The following ODAD1 variants were observed in gnomAD, a reference collection of about 807,000 sequenced individuals.
The protein encoded by ODAD1 is outer dynein arm docking complex subunit 1.
Under a neutral mutation model 67.2 loss-of-function variants are expected in ODAD1, and 49 were observed. That is an observed-to-expected ratio of 0.73 (90% CI 0.58 to 0.92). The LOEUF (loss-of-function observed/expected upper bound fraction) is 0.92. Among genes scored for constraint, ODAD1 ranks in the 40% least tolerant of loss-of-function variants. The pLI, the probability that ODAD1 is intolerant of heterozygous loss-of-function variation, is 0.00. For synonymous variants in ODAD1, 345 were observed against 393.7 expected (o/e 0.88, Z 1.46); for missense variants, 897 against 953.7 (o/e 0.94, Z 0.78).
Position 48,297,476 on chromosome 19 carries a change from G to A in ODAD1, c.1624C>T (p.Leu542=), listed in dbSNP as rs781244572. 3.1e-6 allele frequency: 5 copies of A among 1,602,384 alleles called. No individual in the cohort carries two copies. The highest frequency in any genetic ancestry group is 2.7e-5 in the African/African-American group (2 of 74,648). Residue 542 remains leucine (L), a synonymous_variant, in exon 16 of 16, where the codon CTG becomes TTG. Coordinates refer to ENST00000674294, the MANE Select transcript of ODAD1 (RefSeq NM_001364171.2). The stretch of plus-strand genomic sequence containing the variant: ...TCCAGCTTCGCGGCGGCGGCGGCCA[G>A]GTCCTTCTGGCGCTGCGCCTCCGCC... ...EQAEAQRQKD[L]AAAAAKLDGT...
intron 8 of ODAD1, 110 bp downstream of exon 8, chr19:48,306,146 A>G: frequency 3.4e-6 from 5 of 1,461,440 alleles, no homozygotes; most frequent in Non-Finnish European, 4.6e-6. Context: ...GGGAGAAAAA[A>G]TAGGTTCTGA....
chr19:48,302,655 A>G, intron 12 of ODAD1, 39 bp downstream of exon 12: 1 of 1,565,100 alleles, frequency 6.4e-7, no homozygotes, highest in African/African-American at 1.3e-5. Flanking sequence ...TTCCAAGTGG[A>G]GAAGCCAGGC....
intron 7 of ODAD1, among the ~76,000 whole-genome samples, chr19:48,309,044 G>T (rs564393285): frequency 6.6e-6 from 1 of 152,174 alleles, no homozygotes; most frequent in Non-Finnish European, 1.5e-5. Flanking sequence ...GAAGTTCTCT[G>T]CAGCCTGTAC....
chr19:48,296,683 A>G lies in ODAD1; in HGVS notation c.*293T>C, dbSNP rs1460693225. 48 of 1,019,556 alleles carry G rather than the reference A, an allele frequency of 4.7e-5. No homozygotes were observed. The highest frequency in any genetic ancestry group is 5.7e-5 in the Non-Finnish European group (45 of 794,470). 63.2% of individuals were successfully genotyped at this position (1,019,556 alleles called of 1,614,324 possible). Reference sequence around the variant, plus strand: ...TCCACAGGGGGCCAGGGCTCAGCAGACAGGGAAGGGGCAGATATGGAGACA... The same window carrying G: ...TCCACAGGGGGCCAGGGCTCAGCAGGCAGGGAAGGGGCAGATATGGAGACA... On this transcript the variant is annotated 3_prime_UTR_variant, in exon 16 of 16. Coordinates refer to ENST00000674294, the MANE Select transcript of ODAD1 (RefSeq NM_001364171.2).
Position 48,311,629 on chromosome 19 carries a change from G to A in ODAD1, c.521C>T (p.Ala174Val), listed in dbSNP as rs868114984. 17 of 1,550,422 alleles carry A rather than the reference G, an allele frequency of 1.1e-5. No individual in the cohort carries two copies. The highest frequency in any genetic ancestry group is 5.9e-5 in the Admixed American group (3 of 50,964). ...CHFDNQLVRN[A>V]ALREELDLLR... is the part of the protein sequence containing the mutation. ...CAGATCCAGCTCCTCCCGCAGGGCCGCATTCCGTACCAGCTGGTTGTCAAA... is the reference window on the plus strand; with the variant it reads ...CAGATCCAGCTCCTCCCGCAGGGCCACATTCCGTACCAGCTGGTTGTCAAA... The change falls in exon 7 of 16, where the codon GCG becomes GTG. Residue 174 changes from alanine (A) to valine (V), a missense_variant. Transcript: ENST00000674294.
At chr19:48,297,916 C>G (rs1386297654) in intron 14 of ODAD1, 84 bp downstream of exon 14, 2 of 1,145,334 alleles carry the variant, frequency 1.7e-6, no homozygotes, top group South Asian at 1.4e-5. Flanking sequence ...CCCCAAAAGC[C>G]CCCCAAAACT....
At chr19:48,311,497 G>A in intron 7 of ODAD1, 56 bp downstream of exon 7, 1 of 983,464 alleles carries the variant, frequency 1.0e-6, no homozygotes, top group Non-Finnish European at 1.6e-6. Context: ...AAACAGCTGT[G>A]GGGAGGACCT....
chr19:48,304,152 A>G lies in ODAD1; in HGVS notation c.666-12T>C. 1 of 1,589,714 alleles carries G rather than the reference A, an allele frequency of 6.3e-7. No homozygotes were observed. Among genetic ancestry groups the G allele is most frequent in the East Asian group, 2.3e-5 (1 of 44,312 alleles). On this transcript the variant is annotated splice_polypyrimidine_tract_variant and intron_variant, in intron 8 of 15. Transcript: ENST00000674294. ...CCTTCGCCTCCTCCCTGCGGGGGTC[A>G]GCCGGGGTCAGGATGACTGGAGGCT...
rs760732263 is a variant in ODAD1 at position 48,318,522 on chromosome 19, G to A, written c.225C>T (p.Ser75=). The A allele has an allele frequency of 9.2e-5, 142 of 1,551,468 alleles. No homozygotes were observed. Among genetic ancestry groups the A allele is most frequent in the South Asian group, 2.4e-4 (20 of 84,066 alleles). ...EVRGDLQVQI[S]AAQNQVKRLR... ...GCCGCTTGACCTGGTTCTGGGCTGCGCTGATCTGCACCTGGAGATCGCCCC... is the reference window on the plus strand; with the variant it reads ...GCCGCTTGACCTGGTTCTGGGCTGCACTGATCTGCACCTGGAGATCGCCCC... Residue 75 remains serine (S), a synonymous_variant, in exon 5 of 16, where the codon AGC becomes AGT. Coordinates refer to ENST00000674294, the MANE Select transcript of ODAD1 (RefSeq NM_001364171.2).
At chr19:48,301,252 G>C (rs1277108023) in intron 12 of ODAD1, among the ~76,000 whole-genome samples, 1 of 152,130 alleles carries the variant, frequency 6.6e-6, no homozygotes, top group Non-Finnish European at 1.5e-5. Context: ...AAACTGTTCG[G>C]CATTTTCTAA....
rs771518813 is a variant in ODAD1 at position 48,304,065 on chromosome 19, C to T, written c.741G>A (p.Ala247=). The change falls in exon 9 of 16, where the codon GCG becomes GCA. Residue 247 remains alanine, a synonymous_variant. Transcript: ENST00000674294. ...EKEEAQSEME[A]QVLQRQILHL... The stretch of plus-strand genomic sequence containing the variant: ...GCAAGATCTGCCGCTGCAGGACCTG[C>T]GCCTCCATCTCGCTCTGGGCCTCCT... 39 of 1,614,190 alleles carry T rather than the reference C, an allele frequency of 2.4e-5. No homozygotes were observed. The highest frequency in any genetic ancestry group is 1.6e-4 in the Middle Eastern group (1 of 6,062).
chr19:48,320,476 G>T, intron 2 of ODAD1, 85 bp from the exon 3 acceptor site: 1 of 702,572 alleles, frequency 1.4e-6, no homozygotes, highest in Non-Finnish European at 2.0e-6. Context: ...GAGGGACTGG[G>T]AATTGAAAGG....
chr19:48,320,531 T>C, intron 2 of ODAD1, 140 bp from the exon 3 acceptor site: 2 of 307,874 alleles, frequency 6.5e-6, no homozygotes, highest in Non-Finnish European at 1.2e-5. Context: ...CAAGAGGGGT[T>C]GGAGGGGGAC....
In ODAD1 at chr19:48,304,155, C is replaced by G; in HGVS notation, c.666-15G>C. The G allele has an allele frequency of 1.9e-6, 3 of 1,573,322 alleles. No homozygotes were observed. The highest frequency in any genetic ancestry group is 2.6e-6 in the Non-Finnish European group (3 of 1,158,448). ...TCGCCTCCTCCCTGCGGGGGTCAGC[C>G]GGGGTCAGGATGACTGGAGGCTGGA... On this transcript the variant is annotated splice_polypyrimidine_tract_variant and intron_variant, in intron 8 of 15. Coordinates refer to ENST00000674294, the MANE Select transcript of ODAD1 (RefSeq NM_001364171.2).
At position 48,302,847 on chromosome 19, in the gene ODAD1, C is replaced by A; in HGVS notation, c.1087G>T (p.Val363Leu). The change falls in exon 12 of 16, where the codon GTG becomes TTG. Residue 363 changes from valine to leucine, a missense_variant. Transcript: ENST00000674294. ...EEIKEMQEALVSARASKDDQH... is the reference protein window; with the variant it reads ...EEIKEMQEALLSARASKDDQH... ...TCATCCTTGCTGGCACGTGCGCTCA[C>A]CAAAGCCTCCTGCATCTGTGGGGAC... The A allele has an allele frequency of 3.7e-6, 6 of 1,613,960 alleles. No homozygotes were observed. The highest frequency in any genetic ancestry group is 3.3e-5 in the Admixed American group (2 of 60,022).
rs1209955849 is a variant in ODAD1, at chr19:48,297,201, C to A, written c.1899G>T (p.Gly633=). 6.2e-7 allele frequency: 1 copy of A among 1,614,116 alleles called. No individual in the cohort carries two copies. Among genetic ancestry groups the A allele is most frequent in the Admixed American group, 1.7e-5 (1 of 60,028 alleles). The change falls in exon 16 of 16, where the codon GGG becomes GGT. Residue 633 remains glycine (G), a synonymous_variant. Transcript: ENST00000674294. ...VTFGSTSASS[G]GHVTFRPVSA... The stretch of plus-strand genomic sequence containing the variant: ...TGACGGGTCTGAAGGTCACGTGGCC[C>A]CCACTCGAGGCACTGGTGGAGCCGA...
At chr19:48,309,676 G>C (rs1425269047) in intron 7 of ODAD1, among the ~76,000 whole-genome samples, 1 of 152,194 alleles carries the variant, frequency 6.6e-6, no homozygotes, top group South Asian at 2.1e-4. Context: ...AAGTGACGCC[G>C]TAAATATCCC....
chr19:48,309,121 G>T (rs182407012), intron 7 of ODAD1, among the ~76,000 whole-genome samples: 12 of 152,208 alleles, frequency 7.9e-5, no homozygotes, highest in Admixed American at 6.5e-4. Flanking sequence ...GCTCGAGCGT[G>T]TCTGCTCCTG....
chr19:48,306,166 T>A (rs1031688729), intron 8 of ODAD1, 90 bp downstream of exon 8: 3 of 1,515,804 alleles, frequency 2.0e-6, no homozygotes, highest in African/African-American at 2.8e-5. Context: ...ACGTGTTTCA[T>A]GAGTCCTGAA....
Sources: allele counts gnomAD v4.1 joint callset (sites outside exome capture counted in the v4.1 genomes callset), GRCh38; gene constraint gnomAD v4.1.1; transcripts MANE v1.5; gene names NCBI Gene and HGNC (gene_info 2026-07-23, HGNC 2026-07-21).